The following MAGI1 variants were observed in gnomAD, a reference collection of about 807,000 sequenced individuals.
The protein encoded by MAGI1 is membrane-associated guanylate kinase, WW and PDZ domain-containing protein 1.
A neutral mutation model predicts 139.9 loss-of-function variants in MAGI1; 58 were observed. That is an observed-to-expected ratio of 0.41 (90% CI 0.34 to 0.52). The LOEUF (loss-of-function observed/expected upper bound fraction) is 0.52, where lower values mean the gene tolerates loss of function less well. MAGI1 is among the 20% of genes least tolerant of loss of function. The pLI is 0.12. For missense variants in MAGI1, 1,874 were observed against 1,901.6 expected, an observed-to-expected ratio of 0.99 and a Z score of 0.27; for synonymous variants, 812 against 737.9, an observed-to-expected ratio of 1.10 and a Z score of -1.63.
At chr3:65,898,519 C>G (rs2061078403) in intron 1 of MAGI1, among the ~76,000 whole-genome samples, 1 of 152,026 alleles carries the variant, frequency 6.6e-6, no homozygotes, top group South Asian at 2.1e-4. Context: ...AACAAAAGAA[C>G]CCTGAAATTC....
At chr3:65,688,223 C>A (rs1252749745) in intron 1 of MAGI1, 9 of 801,472 alleles carry the variant, frequency 1.1e-5, no homozygotes, top group Non-Finnish European at 1.7e-5. Flanking sequence ...AACAGCAGGA[C>A]ATAGTCTGCT....
intron 2 of MAGI1, among the ~76,000 whole-genome samples, chr3:65,605,402 C>T (rs1407145174): frequency 1.3e-5 from 2 of 152,098 alleles, no homozygotes; most frequent in Non-Finnish European, 2.9e-5. Flanking sequence ...AAAAAATCTG[C>T]CACAGTGAAT....
At chr3:66,007,492 A>T (rs2067086994) in intron 1 of MAGI1, among the ~76,000 whole-genome samples, 1 of 152,194 alleles carries the variant, frequency 6.6e-6, no homozygotes. Flanking sequence ...ACACAGTCCA[A>T]CTCTAGTGAG....
intron 1 of MAGI1, among the ~76,000 whole-genome samples, chr3:65,766,133 A>G (rs1040551419): frequency 3.3e-5 from 5 of 152,230 alleles, no homozygotes; most frequent in Middle Eastern, 3.2e-3. Flanking sequence ...AAACTCACAG[A>G]TTTAGCACAG....
chr3:65,765,231 A>T (rs2037369551), intron 1 of MAGI1, among the ~76,000 whole-genome samples: 1 of 152,220 alleles, frequency 6.6e-6, no homozygotes, highest in African/African-American at 2.4e-5. Flanking sequence ...GGCAAAGACA[A>T]TGAATCCTAC....
At chr3:65,756,404 T>C (rs1278658339) in intron 1 of MAGI1, among the ~76,000 whole-genome samples, 2 of 152,218 alleles carry the variant, frequency 1.3e-5, no homozygotes, top group Non-Finnish European at 2.9e-5. Flanking sequence ...TTGCATGTAC[T>C]AGTAAATTTA....
At chr3:65,784,288 C>G (rs1321456925) in intron 1 of MAGI1, among the ~76,000 whole-genome samples, 3 of 152,194 alleles carry the variant, frequency 2.0e-5, no homozygotes, top group Non-Finnish European at 4.4e-5. Context: ...CAATCCCACT[C>G]TAGGTATGCA....
intron 1 of MAGI1, among the ~76,000 whole-genome samples, chr3:65,695,623 G>C (rs560142794): frequency 6.6e-6 from 1 of 152,144 alleles, no homozygotes; most frequent in African/African-American, 2.4e-5. Flanking sequence ...ATGCTCAGTA[G>C]GTATTGCTGG....
chr3:65,967,668 G>A (rs1056867105), intron 1 of MAGI1, among the ~76,000 whole-genome samples: 7 of 152,296 alleles, frequency 4.6e-5, no homozygotes, highest in East Asian at 1.9e-4. Flanking sequence ...GTTTCTTGAC[G>A]CTGTACATGC....
At chr3:65,966,394 A>T (rs1007772877) in intron 1 of MAGI1, among the ~76,000 whole-genome samples, 1 of 152,180 alleles carries the variant, frequency 6.6e-6, no homozygotes, top group Admixed American at 6.5e-5. Flanking sequence ...ATAATAATAA[A>T]TAATAGTTAG....
Position 65,897,764 on chromosome 3 carries a change from G to A in MAGI1, c.313+140232C>T, listed in dbSNP as rs574368734. ...TGCAGTCCCAGCTACTAGGGAGGCT[G>A]AAGTGGGAGGATCACTTAAGCCCAG... On this transcript the variant is annotated intron_variant, in intron 1 of 22. Coordinates refer to ENST00000402939, the MANE Select transcript of MAGI1 (RefSeq NM_001033057.2). Among the ~76,000 whole-genome samples, 33 of 151,812 alleles carry A rather than the reference G, an allele frequency of 2.2e-4. No individual in the cohort carries two copies. The East Asian group carries it at 3.9e-3, about 18-fold the overall frequency.
intron 1 of MAGI1, among the ~76,000 whole-genome samples, chr3:65,779,289 G>T (rs2038736821): frequency 6.6e-6 from 1 of 152,100 alleles, no homozygotes; most frequent in Admixed American, 6.5e-5. Context: ...TCTTCTCCAT[G>T]TAAATGTGCA....
At chr3:65,600,110 A>G (rs1161976219) in intron 2 of MAGI1, among the ~76,000 whole-genome samples, 1 of 152,254 alleles carries the variant, frequency 6.6e-6, no homozygotes, top group Non-Finnish European at 1.5e-5. Flanking sequence ...GCCTTTTGCC[A>G]CAAGCTAATG....
intron 16 of MAGI1, 132 bp from the exon 17 acceptor site, chr3:65,379,686 A>G: frequency 2.1e-6 from 3 of 1,416,960 alleles, no homozygotes; most frequent in Non-Finnish European, 2.8e-6. Flanking sequence ...ACCTGGTTTC[A>G]CAATACCTGG....
chr3:65,403,640 G>A (rs896348526), intron 12 of MAGI1, among the ~76,000 whole-genome samples: 7 of 152,122 alleles, frequency 4.6e-5, no homozygotes, highest in African/African-American at 1.4e-4. Flanking sequence ...CTCTGCCCAG[G>A]ATCCCAATGA....
chr3:65,367,581 C>A (rs1286457826), intron 18 of MAGI1, among the ~76,000 whole-genome samples: 1 of 152,172 alleles, frequency 6.6e-6, no homozygotes, highest in Non-Finnish European at 1.5e-5. Flanking sequence ...TGTGCTAAGT[C>A]CATTACCACA....
chr3:65,585,662 C>A (rs527350396), intron 2 of MAGI1, among the ~76,000 whole-genome samples: 131 of 152,228 alleles, frequency 8.6e-4, no homozygotes, highest in African/African-American at 3.1e-3. Context: ...GATCTCAATT[C>A]TAGGTATCTA....
At chr3:65,546,750 T>C (rs568722497) in intron 2 of MAGI1, among the ~76,000 whole-genome samples, 1 of 152,302 alleles carries the variant, frequency 6.6e-6, no homozygotes, top group African/African-American at 2.4e-5. Context: ...CTGTTAGGTG[T>C]GGTGTTAATT....
chr3:65,567,377 A>G (rs1336974789), intron 2 of MAGI1, among the ~76,000 whole-genome samples: 4 of 152,306 alleles, frequency 2.6e-5, no homozygotes, highest in African/African-American at 9.6e-5. Context: ...ACCATGAAAA[A>G]AAAAATTACA....
Sources: gnomAD v4.1 joint callset for allele counts (sites outside exome capture counted in the v4.1 genomes callset) on GRCh38, gnomAD v4.1.1 for gene constraint, MANE v1.5 for transcripts, NCBI Gene and HGNC (gene_info 2026-07-23, HGNC 2026-07-21) for gene names.